The following UBE2E1 variants were observed in gnomAD, a reference collection of about 807,000 sequenced individuals.
UBE2E1 encodes the protein ubiquitin conjugating enzyme E2 E1.
UBE2E1 carries 6 observed loss-of-function variants against 21.4 expected under a neutral mutation model. That is an observed-to-expected ratio of 0.28 (90% CI 0.15 to 0.55). UBE2E1 has a LOEUF of 0.55. UBE2E1 is among the 20% of genes least tolerant of loss of function. The pLI is 0.93. For synonymous variants in UBE2E1, 87 were observed against 82.7 expected, an observed-to-expected ratio of 1.05 and a Z score of -0.28; for missense variants, 142 against 236.5, an observed-to-expected ratio of 0.60 and a Z score of 2.62.
At position 23,887,478 on chromosome 3, in the gene UBE2E1, G is replaced by C; in HGVS notation, c.204-89G>C. The C allele has an allele frequency of 3.4e-6, 5 of 1,459,842 alleles. No individual in the cohort carries two copies. The highest frequency in any genetic ancestry group is 4.6e-6 in the Non-Finnish European group (5 of 1,097,244). 90.4% of individuals were successfully genotyped at this position (1,459,842 alleles called of 1,614,324 possible). Reference sequence around the variant, plus strand: ...AATCCACACAGTAAACAAAAGAGAGGAGAGAGGTAATCTTTCCATCTCTTT... The same window carrying C: ...AATCCACACAGTAAACAAAAGAGAGCAGAGAGGTAATCTTTCCATCTCTTT... On this transcript the variant is annotated intron_variant, in intron 3 of 5. Coordinates refer to ENST00000306627, the MANE Select transcript of UBE2E1 (RefSeq NM_003341.5). The surrounding 1 kb of genome is among the most constrained non-coding windows in gnomAD (Gnocchi z 4.4).
intron 3 of UBE2E1, among the ~76,000 whole-genome samples, chr3:23,814,794 C>A: frequency 6.6e-6 from 1 of 152,122 alleles, no homozygotes; most frequent in East Asian, 1.9e-4. Context: ...GACAGTATGT[C>A]TATACAGACT....
Sources: allele counts gnomAD v4.1 joint callset (sites outside exome capture counted in the v4.1 genomes callset), GRCh38; gene constraint gnomAD v4.1.1; non-coding constraint Gnocchi (gnomAD v3.1); transcripts MANE v1.5; gene names NCBI Gene and HGNC (gene_info 2026-07-23, HGNC 2026-07-21).